ULK2: variants seen among roughly 807,000 people sequenced by gnomAD.
ULK2 encodes serine/threonine-protein kinase ULK2.
ULK2 carries 76 observed loss-of-function variants against 127.5 expected under a neutral mutation model. The ratio of observed to expected loss-of-function variants is 0.60; its 90% CI spans 0.50 to 0.72. The LOEUF is 0.72. ULK2 is among the 30% of genes least tolerant of loss of function. ULK2 has a pLI of 0.00. For missense variants in ULK2, 1,144 were observed against 1,295.9 expected (o/e 0.88, Z 1.80); for synonymous variants, 452 against 461.9 (o/e 0.98, Z 0.28).
At chr17:19,818,223 T>C (rs1597758341) in intron 12 of ULK2, among the ~76,000 whole-genome samples, 1 of 151,254 alleles carries the variant, frequency 6.6e-6, no homozygotes, top group East Asian at 1.9e-4. Context: ...CTCGGGGGGT[T>C]GAGGCAGGAG....
chr17:19,826,489 T>G (rs1406989590), intron 10 of ULK2, among the ~76,000 whole-genome samples: 1 of 152,328 alleles, frequency 6.6e-6, no homozygotes, highest in East Asian at 1.9e-4. Context: ...CTCTAACGTA[T>G]GCCACCCTCC....
rs186581886 is a variant in ULK2, at chr17:19,843,546, A to G, written c.544-324T>C. Among the ~76,000 whole-genome samples, 28 of 152,308 alleles carry G rather than the reference A, an allele frequency of 1.8e-4. No homozygotes were observed. In the East Asian group the frequency reaches 5.4e-3, roughly 29 times the overall value. On this transcript the variant is annotated intron_variant, in intron 7 of 26. Transcript: ENST00000395544. ...AAATACACACCATAGGACATGGTGT[A>G]TAAAATACATACCATAGGACAGAGG...
At chr17:19,836,938 T>G (rs1182361740) in intron 10 of ULK2, among the ~76,000 whole-genome samples, 5 of 151,100 alleles carry the variant, frequency 3.3e-5, no homozygotes, top group Non-Finnish European at 7.4e-5. Context: ...AACAAAAAAT[T>G]AGCCAACTGT....
rs752384101 is a variant in ULK2, at chr17:19,783,923, A to ACAC, written c.2252-19_2252-18insGTG. On this transcript the variant is annotated intron_variant, in intron 21 of 26. Coordinates refer to ENST00000395544, the MANE Select transcript of ULK2 (RefSeq NM_014683.4). ...GGGCCCCACTACAAGGAAACAGAGG[A>ACAC]TACATGGCAGTGTCCAGAGTTAGGG... 1 of 1,462,802 alleles carries ACAC rather than the reference A, an allele frequency of 6.8e-7. No individual in the cohort carries two copies. The highest frequency in any genetic ancestry group is 1.5e-5 in the South Asian group (1 of 64,814). 90.6% of individuals were successfully genotyped at this position (1,462,802 alleles called of 1,614,324 possible). A position where few individuals can be genotyped will look rare whatever the true frequency, so the allele number is the denominator to read the frequency against.
At chr17:19,850,813 G>A (rs538534976) in intron 3 of ULK2, among the ~76,000 whole-genome samples, 16 of 151,698 alleles carry the variant, frequency 1.1e-4, no homozygotes, top group Non-Finnish European at 2.4e-4. Flanking sequence ...CAGCCTGCAA[G>A]AGAGCCAGAC....
rs755776906 is a variant in ULK2 at position 19,783,859 on chromosome 17, G to C, written c.2298C>G (p.Arg766=). Reference sequence around the variant, plus strand: ...GGCCAGGCGGGGACCCCACGCACACGCGGCCACTCATGGCACAAAGAGAGC... The same window carrying C: ...GGCCAGGCGGGGACCCCACGCACACCCGGCCACTCATGGCACAAAGAGAGC... ...SGGSLCAMSG[R]VCVGSPPGPG... Residue 766 remains arginine, a synonymous_variant, in exon 22 of 27, where the codon CGC becomes CGG. Transcript: ENST00000395544. 2 of 1,581,210 alleles carry C rather than the reference G, an allele frequency of 1.3e-6. No homozygotes were observed. Among genetic ancestry groups the C allele is most frequent in the Non-Finnish European group, 1.7e-6 (2 of 1,164,604 alleles).
intron 22 of ULK2, 56 bp downstream of exon 22, chr17:19,783,641 G>T: frequency 7.4e-7 from 1 of 1,355,862 alleles, no homozygotes; most frequent in South Asian, 2.2e-5. Context: ...GTCATCACTA[G>T]AATGTTCTCA....
In ULK2 at chr17:19,826,191, A is replaced by G; in HGVS notation, c.788-5T>C. On this transcript the variant is annotated splice_polypyrimidine_tract_variant and splice_region_variant and intron_variant, in intron 10 of 26. Coordinates refer to ENST00000395544, the MANE Select transcript of ULK2 (RefSeq NM_014683.4). The stretch of plus-strand genomic sequence containing the variant: ...AAGGATGGCTAAAAAATGCTTCTGT[A>G]ACAAGAAATGAGAATGCAACCTTTA... 6.9e-7 allele frequency: 1 copy of G among 1,444,192 alleles called. No individual in the cohort carries two copies. Among genetic ancestry groups the G allele is most frequent in the Non-Finnish European group, 9.2e-7 (1 of 1,082,660 alleles). The allele number at this position is 1,444,192 out of a possible 1,614,324, so 89.5% of individuals were successfully genotyped here. A position where few individuals can be genotyped will look rare whatever the true frequency, so the allele number is the denominator to read the frequency against.
intron 10 of ULK2, among the ~76,000 whole-genome samples, chr17:19,836,206 C>T (rs1344661133): frequency 6.6e-6 from 1 of 151,062 alleles, no homozygotes; most frequent in Admixed American, 6.6e-5. Context: ...GTCAGGAGTT[C>T]AAGATCAGCC....
chr17:19,813,689 T>C (rs1205881614), intron 13 of ULK2, among the ~76,000 whole-genome samples: 1 of 152,140 alleles, frequency 6.6e-6, no homozygotes, highest in Non-Finnish European at 1.5e-5. Flanking sequence ...AGGAGCAGTT[T>C]TGAAACATTT....
intron 3 of ULK2, among the ~76,000 whole-genome samples, chr17:19,852,041 T>A (rs2042027283): frequency 3.4e-5 from 3 of 87,990 alleles, no homozygotes; most frequent in South Asian, 4.2e-4. Flanking sequence ...TGAGACTCCA[T>A]CTCAAAAAAA....
intron 1 of ULK2, 52 bp from the exon 2 acceptor site, chr17:19,865,880 GA>G: frequency 3.5e-6 from 4 of 1,151,708 alleles, no homozygotes; most frequent in South Asian, 1.5e-5. Flanking sequence ...ATAAATAACA[GA>G]AAAAAATTTA....
intron 5 of ULK2, among the ~76,000 whole-genome samples, chr17:19,848,741 C>T (rs1443724967): frequency 6.6e-6 from 1 of 151,338 alleles, no homozygotes; most frequent in African/African-American, 2.4e-5. Context: ...TGCACCACTG[C>T]ACTGCAGCCT....
At chr17:19,859,476 C>T (rs761262584) in intron 3 of ULK2, among the ~76,000 whole-genome samples, 1 of 152,182 alleles carries the variant, frequency 6.6e-6, no homozygotes, top group Non-Finnish European at 1.5e-5. Context: ...CTGAGACTGT[C>T]GCTGCACTCC....
chr17:19,799,977 T>A (rs1597730267), intron 16 of ULK2, among the ~76,000 whole-genome samples: 2 of 152,212 alleles, frequency 1.3e-5, no homozygotes, highest in African/African-American at 2.4e-5. Context: ...CCAGGGCTGT[T>A]CCCAGCCAAT....
At chr17:19,815,260 GTTTT>G (rs111862828) in intron 13 of ULK2, among the ~76,000 whole-genome samples, 1 of 151,488 alleles carries the variant, frequency 6.6e-6, no homozygotes, top group African/African-American at 2.4e-5. Context: ...TTTTTTGTTT[GTTTT>G]TTTGTTTGTT....
intron 10 of ULK2, among the ~76,000 whole-genome samples, chr17:19,826,827 G>A (rs1002458714): frequency 1.3e-5 from 2 of 151,996 alleles, no homozygotes; most frequent in South Asian, 2.1e-4. Flanking sequence ...CATGGCGGCC[G>A]GCGCCTGTAG....
Position 19,777,630 on chromosome 17 carries a change from G to A in ULK2, c.3003C>T (p.Gly1001=), listed in dbSNP as rs1237263652. The A allele has an allele frequency of 6.2e-7, 1 of 1,613,814 alleles. No homozygotes were observed. Residue 1001 remains glycine (G), a synonymous_variant, in exon 26 of 27, where the codon GGC becomes GGT. Transcript: ENST00000395544. ...RYHKAALLLE[G]LSRILQDPAD... ...CAGGGTCCTGTAGAATCCTACTTAG[G>A]CCTTCCAAAAGAAGGGCTGCCTTAT...
chr17:19,799,784 C>T (rs2087357107), intron 16 of ULK2, among the ~76,000 whole-genome samples: 1 of 152,158 alleles, frequency 6.6e-6, no homozygotes, highest in African/African-American at 2.4e-5. Context: ...ATATAATCTG[C>T]CTTGAAATAA....
Sources: allele counts gnomAD v4.1 joint callset (sites outside exome capture counted in the v4.1 genomes callset), GRCh38; gene constraint gnomAD v4.1.1; transcripts MANE v1.5; gene names NCBI Gene and HGNC (gene_info 2026-07-23, HGNC 2026-07-21).